Variants in RAB2A observed in about 807,000 individuals in gnomAD.
The protein encoded by RAB2A is ras-related protein Rab-2A.
A neutral mutation model predicts 32.5 loss-of-function variants in RAB2A; 7 were observed. That is an observed-to-expected ratio of 0.22 (90% CI 0.12 to 0.40). The LOEUF is 0.40. Ranked by LOEUF, RAB2A falls within the 10% of genes least tolerant of loss-of-function variation. The probability of loss-of-function intolerance (pLI) is 1.00; values close to 1 mark genes in which losing one functional copy is unlikely to be tolerated. For synonymous variants in RAB2A, 79 were observed against 85.2 expected (o/e 0.93, Z 0.40); for missense variants, 108 against 260.7 (o/e 0.41, Z 4.03).
chr8:60,573,178 G>GAGAT (rs1304859823), intron 3 of RAB2A, among the ~76,000 whole-genome samples: 1 of 152,162 alleles, frequency 6.6e-6, no homozygotes, highest in Non-Finnish European at 1.5e-5. Flanking sequence ...AGGGCATTAG[G>GAGAT]AGATAATTCT....
intron 3 of RAB2A, among the ~76,000 whole-genome samples, chr8:60,583,467 T>TATA (rs1407510870): frequency 6.6e-6 from 1 of 152,198 alleles, no homozygotes; most frequent in Non-Finnish European, 1.5e-5. Flanking sequence ...CTTGTGTCTG[T>TATA]TTCACAAGTG....
At chr8:60,538,991 G>GA (rs1807598096) in intron 1 of RAB2A, among the ~76,000 whole-genome samples, 1 of 152,128 alleles carries the variant, frequency 6.6e-6, no homozygotes, top group African/African-American at 2.4e-5. Context: ...TTCCCCATCT[G>GA]AAAAATCCAC....
intron 1 of RAB2A, among the ~76,000 whole-genome samples, chr8:60,531,440 A>G (rs996079529): frequency 7.9e-5 from 12 of 152,318 alleles, no homozygotes; most frequent in African/African-American, 2.9e-4. Context: ...TCTATACCTC[A>G]CAGGATTTTT....
At chr8:60,577,626 A>ATT (rs35908258) in intron 3 of RAB2A, among the ~76,000 whole-genome samples, 6 of 143,904 alleles carry the variant, frequency 4.2e-5, no homozygotes, top group Non-Finnish European at 6.1e-5. Flanking sequence ...AGAGGTCTAA[A>ATT]TTTTTTTTTT....
At chr8:60,521,983 A>G (rs1352725065) in intron 1 of RAB2A, among the ~76,000 whole-genome samples, 1 of 152,182 alleles carries the variant, frequency 6.6e-6, no homozygotes, top group Non-Finnish European at 1.5e-5. Context: ...ACCATTGACA[A>G]ATGGGGATCT....
chr8:60,540,403 TTAAAAA>T (rs1807622002), intron 1 of RAB2A, among the ~76,000 whole-genome samples: 1 of 152,094 alleles, frequency 6.6e-6, no homozygotes. Context: ...GTGAAAAGTG[TTAAAAA>T]TGAAGATCAT....
intron 6 of RAB2A, among the ~76,000 whole-genome samples, chr8:60,605,994 C>A (rs1346743307): frequency 6.6e-6 from 1 of 151,884 alleles, no homozygotes; most frequent in Non-Finnish European, 1.5e-5. Flanking sequence ...ACTAAAAATA[C>A]AAAAATTAGC....
chr8:60,531,798 A>AT (rs11320293), intron 1 of RAB2A, among the ~76,000 whole-genome samples: 46,524 of 129,630 alleles, frequency 0.36, 8,303 homozygotes, highest in East Asian at 0.51. Flanking sequence ...TTCTACCTTG[A>AT]TTTTTTTTTT....
intron 6 of RAB2A, among the ~76,000 whole-genome samples, chr8:60,593,574 A>G (rs994522765): frequency 2.6e-5 from 4 of 152,300 alleles, no homozygotes. Context: ...GTAGCACCCT[A>G]CCACCACCAT....
intron 1 of RAB2A, among the ~76,000 whole-genome samples, chr8:60,527,749 G>A (rs1385862661): frequency 1.3e-5 from 2 of 151,872 alleles, no homozygotes; most frequent in African/African-American, 2.4e-5. Context: ...TTTTTTTGAA[G>A]TATGTTCATG....
chr8:60,608,256 C>T (rs577932799), intron 6 of RAB2A, among the ~76,000 whole-genome samples: 2 of 151,782 alleles, frequency 1.3e-5, no homozygotes, highest in Non-Finnish European at 2.9e-5. Context: ...AGAAAATACA[C>T]CAAAATGTTA....
Position 60,517,169 on chromosome 8 carries a change from A to T in RAB2A, c.-39A>T. On this transcript the variant is annotated 5_prime_UTR_variant, in exon 1 of 8. Coordinates refer to ENST00000262646, the MANE Select transcript of RAB2A (RefSeq NM_002865.3). ...GGCGCGGAGGAGGAGCAGCAGCGGG[A>T]GGAGGAGCCGTGTGCCCTGGCACTG... 1.4e-6 allele frequency: 2 copies of T among 1,473,648 alleles called. No individual in the cohort carries two copies. Among genetic ancestry groups the T allele is most frequent in the African/African-American group, 2.9e-5 (2 of 68,062 alleles). 91.3% of individuals were successfully genotyped at this position (1,473,648 alleles called of 1,614,324 possible). A position where few individuals can be genotyped will look rare whatever the true frequency, so the allele number is the denominator to read the frequency against.
At chr8:60,600,233 G>A (rs116570719) in intron 6 of RAB2A, among the ~76,000 whole-genome samples, 131 of 152,300 alleles carry the variant, frequency 8.6e-4, no homozygotes, top group African/African-American at 2.9e-3. Flanking sequence ...CCTGGTTGGT[G>A]TAAGCTGCTA....
At chr8:60,533,743 G>T (rs1807515249) in intron 1 of RAB2A, among the ~76,000 whole-genome samples, 1 of 152,138 alleles carries the variant, frequency 6.6e-6, no homozygotes, top group East Asian at 1.9e-4. Context: ...GGCCAAGGTG[G>T]GTGGATAGCT....
chr8:60,567,467 C>G lies in RAB2A; in HGVS notation c.119-4579C>G, dbSNP rs1005994104. 2.6e-5 allele frequency among the ~76,000 whole-genome samples: 4 copies of G among 152,160 alleles called. No homozygotes were observed. In the East Asian group the frequency reaches 5.8e-4, roughly 22 times the overall value. Reference sequence around the variant, plus strand: ...CATACCAATTGGTGTTCTTTCTTTCCTAAGTTTTCTTGATCATCCTTGTGC... The same window carrying G: ...CATACCAATTGGTGTTCTTTCTTTCGTAAGTTTTCTTGATCATCCTTGTGC... On this transcript the variant is annotated intron_variant, in intron 2 of 7. Coordinates refer to ENST00000262646, the MANE Select transcript of RAB2A (RefSeq NM_002865.3).
At chr8:60,602,458 A>T (rs1036523719) in intron 6 of RAB2A, among the ~76,000 whole-genome samples, 1 of 152,236 alleles carries the variant, frequency 6.6e-6, no homozygotes, top group African/African-American at 2.4e-5. Flanking sequence ...AACAAGTAAT[A>T]TTGGAAAACA....
chr8:60,565,124 A>C (rs79908838), intron 2 of RAB2A, among the ~76,000 whole-genome samples: 2,147 of 152,318 alleles, frequency 0.014, 34 homozygotes, highest in South Asian at 0.055. Flanking sequence ...TCCTTAAACC[A>C]GTCAGCCTAT....
chr8:60,594,173 TAGA>T (rs1803986682), intron 6 of RAB2A, among the ~76,000 whole-genome samples: 1 of 152,142 alleles, frequency 6.6e-6, no homozygotes, highest in South Asian at 2.1e-4. Flanking sequence ...TCATAAGTCC[TAGA>T]AGGAGAGGAA....
chr8:60,572,936 C>T (rs544929959), intron 3 of RAB2A, among the ~76,000 whole-genome samples: 11 of 152,152 alleles, frequency 7.2e-5, no homozygotes, highest in Admixed American at 4.6e-4. Context: ...TGTATTTTTC[C>T]AAAACAAACA....
Sources: gnomAD v4.1 joint callset for allele counts (sites outside exome capture counted in the v4.1 genomes callset) on GRCh38, gnomAD v4.1.1 for gene constraint, MANE v1.5 for transcripts, NCBI Gene and HGNC (gene_info 2026-07-23, HGNC 2026-07-21) for gene names.